The following ZNF713 variants were observed in gnomAD, a reference collection of about 807,000 sequenced individuals.
ZNF713 encodes zinc finger protein 713.
Under a neutral mutation model 28.7 loss-of-function variants are expected in ZNF713, and 21 were observed. The ratio of observed to expected loss-of-function variants is 0.73; its 90% CI spans 0.52 to 1.05. The LOEUF is 1.05. ZNF713 is among the 50% of genes least tolerant of loss of function. ZNF713 has a pLI of 0.00. For missense variants in ZNF713, 458 were observed against 532.4 expected, an observed-to-expected ratio of 0.86 and a Z score of 1.37; for synonymous variants, 167 against 178.0, an observed-to-expected ratio of 0.94 and a Z score of 0.49.
intron 6 of ZNF713, among the ~76,000 whole-genome samples, chr7:55,925,489 C>G (rs1257512018): frequency 6.6e-6 from 1 of 152,068 alleles, no homozygotes. Flanking sequence ...GGCGTGGTGA[C>G]GTGCGCCTGT....
At chr7:55,924,631 T>C (rs1786059956) in intron 6 of ZNF713, 1 of 152,216 alleles carries the variant, frequency 6.6e-6, no homozygotes. Flanking sequence ...CCTAGCACTT[T>C]AGGAGGCCGA....
intron 4 of ZNF713, among the ~76,000 whole-genome samples, chr7:55,913,436 C>T (rs1291646546): frequency 6.6e-6 from 1 of 150,770 alleles, no homozygotes. Flanking sequence ...CTTCTGTCCT[C>T]GTGATGCACC....
chr7:55,892,976 G>A (rs1027873180), intron 1 of ZNF713, among the ~76,000 whole-genome samples: 13 of 151,346 alleles, frequency 8.6e-5, no homozygotes, highest in Non-Finnish European at 1.6e-4. Flanking sequence ...TCCGTCTCCC[G>A]GGTTCACGCC....
chr7:55,898,467 A>G (rs924689397), intron 1 of ZNF713, among the ~76,000 whole-genome samples: 4 of 152,240 alleles, frequency 2.6e-5, no homozygotes, highest in African/African-American at 4.8e-5. Context: ...AGGCCTCAGG[A>G]AACTTACAAG....
At chr7:55,920,732 A>G (rs570825984) in intron 4 of ZNF713, among the ~76,000 whole-genome samples, 30 of 152,274 alleles carry the variant, frequency 2.0e-4, no homozygotes, top group African/African-American at 6.3e-4. Context: ...ACAGCCTTAT[A>G]TTGGAAGAAG....
chr7:55,911,451 G>GA (rs1176188414), intron 2 of ZNF713, among the ~76,000 whole-genome samples, 165 bp from the exon 3 acceptor site: 1 of 152,152 alleles, frequency 6.6e-6, no homozygotes, highest in African/African-American at 2.4e-5. Flanking sequence ...TGTAATGTGT[G>GA]AATCTGAGAA....
Position 55,887,862 on chromosome 7 carries a change from GGGCGGCGGCGGC to G in ZNF713, c.-583+197_-583+208del, listed in dbSNP as rs1228586478. Among the ~76,000 whole-genome samples, 14 of 13,402 alleles carry G rather than the reference GGGCGGCGGCGGC, an allele frequency of 1.0e-3. 2 individuals are homozygous for G. Among genetic ancestry groups the G allele is most frequent in the African/African-American group, 2.7e-3 (5 of 1,830 alleles). The allele number at this position is 13,402 out of a possible 152,430, so 8.8% of individuals were successfully genotyped here. ...GCGGGCGGCGGCGGCGGCGGGCGGC[GGGCGGCGGCGGC>G]GGCGGCGGCGGCGGGCGGCGGCGGC... On this transcript the variant is annotated intron_variant, in intron 1 of 6. Coordinates refer to ENST00000429591, the MANE Select transcript of ZNF713 (RefSeq NM_182633.3).
intron 1 of ZNF713, among the ~76,000 whole-genome samples, chr7:55,901,908 A>G (rs1785585102): frequency 6.6e-6 from 1 of 152,238 alleles, no homozygotes; most frequent in South Asian, 2.1e-4. Context: ...ACATGTCAAT[A>G]TGACTGAGCA....
intron 4 of ZNF713, among the ~76,000 whole-genome samples, chr7:55,914,620 A>T (rs1785847451): frequency 6.6e-6 from 1 of 152,190 alleles, no homozygotes; most frequent in Non-Finnish European, 1.5e-5. Context: ...TCTGATTGAG[A>T]CTGTAGGGAT....
chr7:55,899,500 ATC>A (rs1785535285), intron 1 of ZNF713, among the ~76,000 whole-genome samples: 1 of 145,484 alleles, frequency 6.9e-6, no homozygotes, highest in Non-Finnish European at 1.5e-5. Context: ...GCGAGACCCC[ATC>A]TCTACTAAAA....
At chr7:55,909,362 A>G (rs1184828468) in intron 2 of ZNF713, among the ~76,000 whole-genome samples, 1 of 152,126 alleles carries the variant, frequency 6.6e-6, no homozygotes, top group African/African-American at 2.4e-5. Context: ...GGCTTTACTC[A>G]TATATGGATT....
At chr7:55,918,700 G>C (rs1785931292) in intron 4 of ZNF713, among the ~76,000 whole-genome samples, 1 of 152,182 alleles carries the variant, frequency 6.6e-6, no homozygotes, top group South Asian at 2.1e-4. Flanking sequence ...GTTACCTTCA[G>C]TAACAAGGAA....
At chr7:55,927,944 C>G (rs1253247115) in intron 6 of ZNF713, among the ~76,000 whole-genome samples, 2 of 134,902 alleles carry the variant, frequency 1.5e-5, no homozygotes, top group African/African-American at 5.7e-5. Flanking sequence ...GAGCAAGGTT[C>G]TAGAAGAGAT....
intron 6 of ZNF713, among the ~76,000 whole-genome samples, chr7:55,932,049 T>C (rs1291105621): frequency 1.3e-5 from 2 of 152,208 alleles, no homozygotes; most frequent in African/African-American, 4.8e-5. Context: ...AGTGTTCCAG[T>C]TGATAGTTTG....
At chr7:55,893,375 T>G (rs947929114) in intron 1 of ZNF713, among the ~76,000 whole-genome samples, 2 of 152,100 alleles carry the variant, frequency 1.3e-5, no homozygotes, top group African/African-American at 4.8e-5. Flanking sequence ...GTGTTCAGAT[T>G]CTCCTTGTTC....
Position 55,887,656 on chromosome 7 carries a change from GC to G in ZNF713, c.-605del, listed in dbSNP as rs954345056. On this transcript the variant is annotated 5_prime_UTR_variant, in exon 1 of 7. Transcript: ENST00000429591. ...GCGGCGGCGTCAGGGGGCGGAGCCT[GC>G]CGAAGCGCCCTTTGTCTGCGGAGGT... 3 of 171,548 alleles carry G rather than the reference GC, an allele frequency of 1.7e-5. No individual in the cohort carries two copies. Among genetic ancestry groups the G allele is most frequent in the African/African-American group, 7.5e-5 (3 of 40,122 alleles). The allele number at this position is 171,548 out of a possible 1,614,324, so 10.6% of individuals were successfully genotyped here. A position where few individuals can be genotyped will look rare whatever the true frequency, so the allele number is the denominator to read the frequency against.
At chr7:55,904,477 A>T (rs1785640710) in intron 1 of ZNF713, among the ~76,000 whole-genome samples, 1 of 150,588 alleles carries the variant, frequency 6.6e-6, no homozygotes, top group African/African-American at 2.4e-5. Context: ...AAAAAAAAAA[A>T]AAAAAAAAAA....
In ZNF713 at chr7:55,941,788, C is replaced by T. The variant is rs540178398; in HGVS notation, c.*1782C>T. The T allele has an allele frequency of 2.1e-4, 32 of 151,998 alleles. No homozygotes were observed. Among genetic ancestry groups the T allele is most frequent in the Middle Eastern group, 3.4e-3 (1 of 294 alleles). The allele number at this position is 151,998 out of a possible 1,614,324, so 9.4% of individuals were successfully genotyped here. A position where few individuals can be genotyped will look rare whatever the true frequency, so the allele number is the denominator to read the frequency against. On this transcript the variant is annotated 3_prime_UTR_variant, in exon 7 of 7. Transcript: ENST00000429591. Reference sequence around the variant, plus strand: ...ATGTCCCCCCAAAAATCTTGTGTGCCGTTGTTTGAGAAACAGTGTGATAGT... The same window carrying T: ...ATGTCCCCCCAAAAATCTTGTGTGCTGTTGTTTGAGAAACAGTGTGATAGT...
Position 55,891,614 on chromosome 7 carries a change from G to A in ZNF713, c.-583+3934G>A, listed in dbSNP as rs142691098. On this transcript the variant is annotated intron_variant, in intron 1 of 6. Transcript: ENST00000429591. ...AGGCTGAGGAAGGAGGAGCTCTTGA[G>A]CCCAGGCGTTTGAGGCTGCAGTGTG... 1.7e-3 allele frequency among the ~76,000 whole-genome samples: 266 copies of A among 152,228 alleles called. 1 individual carries two copies. The highest frequency in any genetic ancestry group is 6.1e-3 in the African/African-American group (254 of 41,538).
Sources: allele counts gnomAD v4.1 joint callset (sites outside exome capture counted in the v4.1 genomes callset), GRCh38; gene constraint gnomAD v4.1.1; transcripts MANE v1.5; gene names NCBI Gene and HGNC (gene_info 2026-07-23, HGNC 2026-07-21).